PEBP4: variants seen among roughly 807,000 people sequenced by gnomAD.
PEBP4 encodes phosphatidylethanolamine binding protein 4, also known as phosphatidylethanolamine-binding protein 4.
In PEBP4, 22 loss-of-function variants were observed where a neutral mutation model predicts 23.9. That is an observed-to-expected ratio of 0.92 (90% CI 0.66 to 1.31). PEBP4 has a LOEUF of 1.31. Ranked by LOEUF, PEBP4 falls within the 40% of genes most tolerant of loss-of-function variation. The pLI is 0.00. For missense variants in PEBP4, 324 were observed against 281.7 expected, an observed-to-expected ratio of 1.15 and a Z score of -1.07; for synonymous variants, 112 against 99.3, an observed-to-expected ratio of 1.13 and a Z score of -0.76.
intron 3 of PEBP4, among the ~76,000 whole-genome samples, chr8:22,856,586 G>A (rs1019531711): frequency 6.6e-6 from 1 of 152,140 alleles, no homozygotes; most frequent in Non-Finnish European, 1.5e-5. Context: ...GCGTAGTGGT[G>A]CATGCCTATA....
intron 6 of PEBP4, among the ~76,000 whole-genome samples, chr8:22,723,694 C>T (rs1804565497): frequency 6.6e-6 from 1 of 152,206 alleles, no homozygotes; most frequent in African/African-American, 2.4e-5. Flanking sequence ...TTGGCAAAGC[C>T]GTTTAAACAG....
intron 4 of PEBP4, among the ~76,000 whole-genome samples, chr8:22,729,006 A>G (rs952273343): frequency 1.5e-4 from 23 of 151,752 alleles, no homozygotes; most frequent in Admixed American, 1.2e-3. Context: ...GGTGATGCAC[A>G]CTCCAGCTCT....
intron 3 of PEBP4, among the ~76,000 whole-genome samples, chr8:22,901,170 G>A (rs999651442): frequency 6.6e-6 from 1 of 152,136 alleles, no homozygotes; most frequent in Non-Finnish European, 1.5e-5. Context: ...GACAGGCCTG[G>A]CTCCAGAGAA....
chr8:22,793,945 CATTTT>C (rs1443553601), intron 4 of PEBP4, among the ~76,000 whole-genome samples: 2 of 152,162 alleles, frequency 1.3e-5, no homozygotes, highest in Non-Finnish European at 2.9e-5. Context: ...TACTGGATGA[CATTTT>C]ATTTATTTAT....
intron 4 of PEBP4, among the ~76,000 whole-genome samples, chr8:22,810,697 TGTGTGTGTGTGTGTGTGAGA>T (rs1307921346): frequency 1.3e-5 from 2 of 148,482 alleles, no homozygotes; most frequent in African/African-American, 5.2e-5. Context: ...TGTGTGTGTG[TGTGTGTGTGTGTGTGTGAGA>T]GAGAGAGAGA....
intron 3 of PEBP4, chr8:22,896,176 A>G (rs577657290): frequency 3.3e-5 from 5 of 152,378 alleles, no homozygotes; most frequent in East Asian, 3.9e-4. Context: ...CTGGGAGGAG[A>G]GACAGGGAAT....
intron 4 of PEBP4, among the ~76,000 whole-genome samples, chr8:22,763,219 G>A (rs1365712625): frequency 6.6e-6 from 1 of 152,092 alleles, no homozygotes; most frequent in Non-Finnish European, 1.5e-5. Flanking sequence ...TGGCCAGGCT[G>A]GTCTCGAACT....
intron 4 of PEBP4, among the ~76,000 whole-genome samples, chr8:22,814,538 T>C (rs1276392727): frequency 2.0e-5 from 3 of 152,228 alleles, no homozygotes; most frequent in Non-Finnish European, 2.9e-5. Context: ...TCAACCCAGA[T>C]AGCCTGTCAA....
At chr8:22,891,239 G>GATGAATGA (rs112416849) in intron 3 of PEBP4, among the ~76,000 whole-genome samples, 41,664 of 151,774 alleles carry the variant, frequency 0.27, 5,763 homozygotes, top group Non-Finnish European at 0.31. Flanking sequence ...GCACTTGCCA[G>GATGAATGA]ATGAATGAAT....
At chr8:22,795,327 C>T (rs548811553) in intron 4 of PEBP4, among the ~76,000 whole-genome samples, 1 of 151,252 alleles carries the variant, frequency 6.6e-6, no homozygotes, top group East Asian at 1.9e-4. Flanking sequence ...AGGCATGTGC[C>T]ACCACTCCGG....
At chr8:22,831,368 C>T (rs946076359) in intron 3 of PEBP4, among the ~76,000 whole-genome samples, 1 of 152,128 alleles carries the variant, frequency 6.6e-6, no homozygotes, top group African/African-American at 2.4e-5. Flanking sequence ...GGGATGGCAT[C>T]TATTTCTGCT....
intron 4 of PEBP4, among the ~76,000 whole-genome samples, chr8:22,792,830 C>T (rs569937152): frequency 2.2e-4 from 34 of 151,948 alleles, no homozygotes; most frequent in African/African-American, 7.7e-4. Context: ...TGGGGCATTG[C>T]GGTGGGTGGT....
intron 3 of PEBP4, among the ~76,000 whole-genome samples, chr8:22,917,122 C>CGGGGG (rs1809093907): frequency 4.1e-5 from 1 of 24,206 alleles, no homozygotes; most frequent in South Asian, 1.6e-3. Context: ...TTGCTGGGGG[C>CGGGGG]GGGGGAGGGG....
At chr8:22,932,543 C>CACA (rs1563266474), upstream of PEBP4, among the ~76,000 whole-genome samples, 5 of 151,736 alleles carry the variant, frequency 3.3e-5, no homozygotes, top group South Asian at 4.2e-4. Context: ...ACACACACAC[C>CACA]CCCAGAGAGA....
At chr8:22,762,181 TG>T (rs966831177) in intron 4 of PEBP4, among the ~76,000 whole-genome samples, 135 of 152,334 alleles carry the variant, frequency 8.9e-4, no homozygotes, top group African/African-American at 3.2e-3. Flanking sequence ...GCATGTGTTC[TG>T]GGGAGCTGTG....
chr8:22,723,231 C>T (rs996639268), intron 6 of PEBP4, among the ~76,000 whole-genome samples: 10 of 152,118 alleles, frequency 6.6e-5, no homozygotes, highest in Non-Finnish European at 1.2e-4. Flanking sequence ...TGCCTGGTCA[C>T]CAACATCTTG....
intron 3 of PEBP4, among the ~76,000 whole-genome samples, chr8:22,842,766 G>T (rs1180944400): frequency 6.6e-6 from 1 of 152,132 alleles, no homozygotes; most frequent in Non-Finnish European, 1.5e-5. Context: ...CAGCTGCTTG[G>T]TTTAATGCTC....
At position 22,764,261 on chromosome 8, in the gene PEBP4, C is replaced by T. The variant is rs544104334; in HGVS notation, c.358-37041G>A. ...GCTCTGCACACTTGAATCTAATACA[C>T]ACACACACCCTCTATCCTGAAAAAA... On this transcript the variant is annotated intron_variant, in intron 4 of 6. Coordinates refer to ENST00000256404, the MANE Select transcript of PEBP4 (RefSeq NM_144962.3). Among the ~76,000 whole-genome samples, 75 of 152,254 alleles carry T rather than the reference C, an allele frequency of 4.9e-4. 1 individual carries two copies. Among genetic ancestry groups the T allele is most frequent in the African/African-American group, 1.7e-3 (70 of 41,542 alleles).
At chr8:22,850,556 CGTGT>C (rs71274535) in intron 3 of PEBP4, among the ~76,000 whole-genome samples, 1 of 150,576 alleles carries the variant, frequency 6.6e-6, no homozygotes, top group Non-Finnish European at 1.5e-5. Context: ...CCATGGCAAG[CGTGT>C]GTGTGTGTGT....
Sources: gnomAD v4.1 joint callset for allele counts (sites outside exome capture counted in the v4.1 genomes callset) on GRCh38, gnomAD v4.1.1 for gene constraint, MANE v1.5 for transcripts, NCBI Gene and HGNC (gene_info 2026-07-23, HGNC 2026-07-21) for gene names.